Variants in NFIB observed in about 807,000 individuals in gnomAD.
NFIB encodes nuclear factor I B, also known as nuclear factor 1 B-type.
NFIB carries 11 observed loss-of-function variants against 61.5 expected under a neutral mutation model. The ratio of observed to expected loss-of-function variants is 0.18; its 90% CI spans 0.11 to 0.30. NFIB has a LOEUF of 0.30. Among genes scored for constraint, NFIB ranks in the 10% least tolerant of loss-of-function variants. The pLI is 1.00. For missense variants in NFIB, 471 were observed against 608.9 expected, an observed-to-expected ratio of 0.77 and a Z score of 2.38; for synonymous variants, 260 against 216.5, an observed-to-expected ratio of 1.20 and a Z score of -1.76.
chr9:14,231,688 T>G lies in NFIB; in HGVS notation c.563-51908A>C, dbSNP rs1378576548. Among the ~76,000 whole-genome samples the G allele has an allele frequency of 2.8e-4, 43 of 152,186 alleles. 1 individual carries two copies. Among genetic ancestry groups the G allele is most frequent in the Admixed American group, 2.8e-3 (43 of 15,272 alleles). On this transcript the variant is annotated intron_variant, in intron 2 of 10. Coordinates refer to ENST00000380953, the MANE Select transcript of NFIB (RefSeq NM_001190737.2). Reference sequence around the variant, plus strand: ...AAAACAGGTTTTAACTTAAGAATGATTGCTGATGGTGAAGTGCAGTAATTA... The same window carrying G: ...AAAACAGGTTTTAACTTAAGAATGAGTGCTGATGGTGAAGTGCAGTAATTA...
the NFIB span, among the ~76,000 whole-genome samples, chr9:14,528,804 GT>G: frequency 1.3e-5 from 2 of 152,084 alleles, no homozygotes; most frequent in Non-Finnish European, 2.9e-5. Flanking sequence ...GTTTTTGGTA[GT>G]TTTATTTATG....
intron 1 of NFIB, among the ~76,000 whole-genome samples, chr9:14,320,582 T>G (rs751466858): frequency 7.2e-5 from 11 of 152,234 alleles, no homozygotes; most frequent in African/African-American, 2.7e-4. Flanking sequence ...TTAGGATGCT[T>G]AAAGGTCAGT....
chr9:14,314,371 G>C (rs555928485), upstream of NFIB: 1 of 154,096 alleles, frequency 6.5e-6, no homozygotes, highest in African/African-American at 2.4e-5. Context: ...GCCGAGCGTG[G>C]AGGCTGCTGT....
chr9:14,500,006 C>G, the NFIB span, among the ~76,000 whole-genome samples: 1 of 152,024 alleles, frequency 6.6e-6, no homozygotes, highest in Non-Finnish European at 1.5e-5. Flanking sequence ...GTATAGTACC[C>G]GTCGGAGAGC....
the NFIB span, among the ~76,000 whole-genome samples, chr9:14,446,057 G>A: frequency 2.6e-5 from 4 of 152,204 alleles, no homozygotes; most frequent in East Asian, 5.8e-4. Flanking sequence ...AGATATAATC[G>A]CACTCTCTTC....
chr9:14,482,850 A>T, the NFIB span, among the ~76,000 whole-genome samples: 1 of 152,248 alleles, frequency 6.6e-6, no homozygotes, highest in African/African-American at 2.4e-5. Context: ...TTAAAAACAC[A>T]TTGACTACAT....
At chr9:14,187,064 T>C (rs2047448058) in intron 2 of NFIB, among the ~76,000 whole-genome samples, 2 of 143,062 alleles carry the variant, frequency 1.4e-5, no homozygotes, top group African/African-American at 5.4e-5. Context: ...TGTGTGTGTG[T>C]GTGTGTGTGC....
At chr9:14,226,261 A>C (rs1019548661) in intron 2 of NFIB, among the ~76,000 whole-genome samples, 1 of 152,162 alleles carries the variant, frequency 6.6e-6, no homozygotes, top group African/African-American at 2.4e-5. Context: ...CAACAAAAAC[A>C]ATGAGGCTAG....
chr9:14,121,684 C>A (rs1175105297), intron 7 of NFIB, among the ~76,000 whole-genome samples: 1 of 151,938 alleles, frequency 6.6e-6, no homozygotes, highest in African/African-American at 2.4e-5. Flanking sequence ...AATATAAAAC[C>A]AAGAATAAAA....
the NFIB span, among the ~76,000 whole-genome samples, chr9:14,475,285 G>A: frequency 6.6e-6 from 1 of 152,192 alleles, no homozygotes; most frequent in Non-Finnish European, 1.5e-5. Flanking sequence ...CACCTGGGGA[G>A]CATGGCTCCA....
At chr9:14,365,740 C>T (rs2061292151) in intron 1 of NFIB, among the ~76,000 whole-genome samples, 1 of 152,150 alleles carries the variant, frequency 6.6e-6, no homozygotes, top group African/African-American at 2.4e-5. Flanking sequence ...GAAAGCTTGT[C>T]CTAGTATAGG....
At chr9:14,398,325 T>C (rs2061707989) in intron 1 of NFIB, among the ~76,000 whole-genome samples, 1 of 152,206 alleles carries the variant, frequency 6.6e-6, no homozygotes, top group Admixed American at 6.5e-5. Context: ...TTATTTCTGT[T>C]ACCATTTCCA....
the NFIB span, among the ~76,000 whole-genome samples, chr9:14,464,888 A>G: frequency 1.3e-5 from 2 of 152,170 alleles, no homozygotes; most frequent in East Asian, 1.9e-4. Flanking sequence ...CTATACAACT[A>G]TTGTGAAGAA....
chr9:14,357,464 A>T (rs143891126), intron 1 of NFIB: 2 of 152,324 alleles, frequency 1.3e-5, no homozygotes, highest in African/African-American at 2.4e-5. Flanking sequence ...CCCAAGTCAG[A>T]TCCAACTTTT....
chr9:14,290,601 G>A (rs1275059715), intron 2 of NFIB, among the ~76,000 whole-genome samples: 1 of 151,998 alleles, frequency 6.6e-6, no homozygotes, highest in Non-Finnish European at 1.5e-5. Flanking sequence ...CAGAATACGT[G>A]CTATTGCTAA....
At chr9:14,449,057 T>C in the NFIB span, among the ~76,000 whole-genome samples, 4 of 152,202 alleles carry the variant, frequency 2.6e-5, no homozygotes, top group Admixed American at 1.3e-4. Context: ...CATGAAACTT[T>C]AAGTTCCTGA....
intron 2 of NFIB, among the ~76,000 whole-genome samples, chr9:14,183,647 C>T (rs997290741): frequency 1.1e-4 from 17 of 151,974 alleles, no homozygotes; most frequent in African/African-American, 4.8e-5. Context: ...TGAAGCGATC[C>T]GCCTACCTCG....
chr9:14,389,632 C>G (rs1427305209), intron 1 of NFIB, among the ~76,000 whole-genome samples: 5 of 152,066 alleles, frequency 3.3e-5, no homozygotes. Context: ...TACTTTATAT[C>G]CAAAAAAGTT....
rs945367680 is a variant in NFIB, at chr9:14,087,048, A to T, written c.*1261T>A. ...TCAAGAGTGCGTTTTTATATCCTAC[A>T]CCCTGGCGTTCCCAGTTTGTAAACT... On this transcript the variant is annotated 3_prime_UTR_variant, in exon 11 of 11. Coordinates refer to ENST00000380953, the MANE Select transcript of NFIB (RefSeq NM_001190737.2). 4.9e-6 allele frequency: 1 copy of T among 202,774 alleles called. No homozygotes were observed. Among genetic ancestry groups the T allele is most frequent in the Non-Finnish European group, 1.0e-5 (1 of 98,598 alleles). 12.6% of individuals were successfully genotyped at this position (202,774 alleles called of 1,614,324 possible).
Sources: allele counts gnomAD v4.1 joint callset (sites outside exome capture counted in the v4.1 genomes callset), GRCh38; gene constraint gnomAD v4.1.1; transcripts MANE v1.5; gene names NCBI Gene and HGNC (gene_info 2026-07-23, HGNC 2026-07-21).